RGS7: variants seen among roughly 807,000 people sequenced by gnomAD.
RGS7 encodes regulator of G-protein signaling 7.
RGS7 carries 27 observed loss-of-function variants against 81.1 expected under a neutral mutation model. The ratio of observed to expected loss-of-function variants is 0.33; its 90% CI spans 0.25 to 0.46. The LOEUF is 0.46. RGS7 is among the 20% of genes least tolerant of loss of function. The probability of loss-of-function intolerance (pLI) is 1.00; values close to 1 mark genes in which losing one functional copy is unlikely to be tolerated. For synonymous variants in RGS7, 208 were observed against 207.7 expected (o/e 1.00, Z -0.01); for missense variants, 396 against 607.4 (o/e 0.65, Z 3.66).
chr1:241,026,502 T>C (rs2059791704), intron 3 of RGS7, among the ~76,000 whole-genome samples: 1 of 151,804 alleles, frequency 6.6e-6, no homozygotes, highest in Non-Finnish European at 1.5e-5. Flanking sequence ...GGCACAAGAA[T>C]CGCTTGAACC....
At chr1:241,043,522 T>A (rs999191525) in intron 3 of RGS7, among the ~76,000 whole-genome samples, 5 of 147,854 alleles carry the variant, frequency 3.4e-5, no homozygotes, top group African/African-American at 9.9e-5. Flanking sequence ...GATATGATAT[T>A]AATACATATA....
At chr1:240,900,449 T>C (rs1315194186) in intron 6 of RGS7, among the ~76,000 whole-genome samples, 1 of 152,208 alleles carries the variant, frequency 6.6e-6, no homozygotes, top group Non-Finnish European at 1.5e-5. Context: ...TCTTTGATGA[T>C]GGTGACGTAC....
At chr1:241,055,857 T>C (rs1427165392) in intron 3 of RGS7, among the ~76,000 whole-genome samples, 1 of 152,192 alleles carries the variant, frequency 6.6e-6, no homozygotes, top group Non-Finnish European at 1.5e-5. Context: ...TCATTTCCTT[T>C]GCATACAAAA....
chr1:240,919,952 C>A (rs1558466520), intron 6 of RGS7: 5 of 1,325,398 alleles, frequency 3.8e-6, no homozygotes, highest in South Asian at 1.2e-5. Flanking sequence ...CAGGTGCCCA[C>A]TTAACTGTGA....
chr1:241,333,972 A>G (rs938968398), intron 2 of RGS7, among the ~76,000 whole-genome samples: 1 of 151,586 alleles, frequency 6.6e-6, no homozygotes, highest in Non-Finnish European at 1.5e-5. Context: ...TTATAATATT[A>G]TAGTTTTATA....
intron 2 of RGS7, among the ~76,000 whole-genome samples, chr1:241,273,596 T>C (rs2078041855): frequency 6.6e-6 from 1 of 152,174 alleles, no homozygotes; most frequent in African/African-American, 2.4e-5. Flanking sequence ...TGCCAGCCTT[T>C]AGGGTCTCTA....
intron 4 of RGS7, among the ~76,000 whole-genome samples, chr1:240,959,260 C>T (rs1463223883): frequency 6.6e-6 from 1 of 152,160 alleles, no homozygotes; most frequent in Non-Finnish European, 1.5e-5. Context: ...GAGGAAAATA[C>T]AGCCATGTAT....
intron 3 of RGS7, among the ~76,000 whole-genome samples, chr1:241,021,734 T>C (rs1395207874): frequency 6.6e-6 from 1 of 152,196 alleles, no homozygotes; most frequent in Non-Finnish European, 1.5e-5. Context: ...ACATTCCTAA[T>C]GGGTATGGTA....
intron 3 of RGS7, among the ~76,000 whole-genome samples, chr1:241,064,865 C>T (rs2061969924): frequency 6.6e-6 from 1 of 152,148 alleles, no homozygotes; most frequent in Non-Finnish European, 1.5e-5. Flanking sequence ...CACACATTCT[C>T]TCCAATAGAA....
chr1:241,158,536 AAAC>A (rs1219067346), intron 2 of RGS7, among the ~76,000 whole-genome samples: 2 of 152,244 alleles, frequency 1.3e-5, no homozygotes, highest in African/African-American at 2.4e-5. Context: ...AGAACTGGAA[AAAC>A]AACATTTGTC....
At chr1:240,941,116 T>C (rs991798225) in intron 4 of RGS7, among the ~76,000 whole-genome samples, 1 of 152,226 alleles carries the variant, frequency 6.6e-6, no homozygotes, top group Admixed American at 6.5e-5. Flanking sequence ...TTTTGCATCA[T>C]GTCATGAATT....
intron 2 of RGS7, among the ~76,000 whole-genome samples, chr1:241,327,024 A>G (rs1440635274): frequency 0.12 from 54 of 432 alleles, 3 homozygotes; most frequent in Non-Finnish European, 0.27. Context: ...GGAAGGAAGG[A>G]AGGAAGGAAG....
intron 2 of RGS7, among the ~76,000 whole-genome samples, chr1:241,244,723 T>A (rs1345371983): frequency 6.6e-6 from 1 of 151,878 alleles, no homozygotes; most frequent in Non-Finnish European, 1.5e-5. Flanking sequence ...CCAACAATGA[T>A]AGACTGGATT....
chr1:241,227,065 T>C (rs1290136768), intron 2 of RGS7, among the ~76,000 whole-genome samples: 2 of 152,182 alleles, frequency 1.3e-5, no homozygotes, highest in Non-Finnish European at 2.9e-5. Context: ...AATACGAAGG[T>C]TGGCTGGCTC....
chr1:240,834,367 C>A (rs1694327202), intron 9 of RGS7, among the ~76,000 whole-genome samples: 4 of 152,190 alleles, frequency 2.6e-5, no homozygotes, highest in Non-Finnish European at 4.4e-5. Flanking sequence ...TGAATGAACT[C>A]CACACATCCA....
At position 241,163,160 on chromosome 1, in the gene RGS7, C is replaced by A. The variant is rs12063349; in HGVS notation, c.79-64398G>T. ...CAGCCAAAAGGTCAGAAAGGGGGTT[C>A]ATTCGAGGGAGCCAGGAAACGGGGC... On this transcript the variant is annotated intron_variant, in intron 2 of 18. Transcript: ENST00000440928. This position sits in a 1 kb window ranked among gnomAD's most constrained non-coding sequence, Gnocchi z 4.6. Among the ~76,000 whole-genome samples the A allele has an allele frequency of 0.016, 2,363 of 152,206 alleles. 51 individuals carry two copies. The highest frequency in any genetic ancestry group is 0.052 in the African/African-American group (2,177 of 41,520).
At chr1:241,063,392 T>C (rs1357814766) in intron 3 of RGS7, among the ~76,000 whole-genome samples, 1 of 152,108 alleles carries the variant, frequency 6.6e-6, no homozygotes, top group African/African-American at 2.4e-5. Context: ...GCAGTAAATG[T>C]CTTGTTTTTG....
Position 241,080,102 on chromosome 1 carries a change from T to C in RGS7, c.175+18564A>G, listed in dbSNP as rs577318334. On this transcript the variant is annotated intron_variant, in intron 3 of 18. Transcript: ENST00000440928. ...CAGTCCAGATGGCATCCAATGAGTA[T>C]TGACATCATCATCATAAAAAAAGGC... Among the ~76,000 whole-genome samples the C allele has an allele frequency of 2.0e-5, 3 of 152,162 alleles. No homozygotes were observed. In the East Asian group the frequency reaches 5.8e-4, roughly 29 times the overall value.
chr1:240,998,741 A>C, intron 3 of RGS7: 1 of 830,886 alleles, frequency 1.2e-6, no homozygotes, highest in Non-Finnish European at 2.0e-6. Context: ...TCACCTCATC[A>C]TCGTGCGGAA....
Sources: allele counts gnomAD v4.1 joint callset (sites outside exome capture counted in the v4.1 genomes callset), GRCh38; gene constraint gnomAD v4.1.1; non-coding constraint Gnocchi (gnomAD v3.1); transcripts MANE v1.5; gene names NCBI Gene and HGNC (gene_info 2026-07-23, HGNC 2026-07-21).